SPTLC3: variants seen among roughly 807,000 people sequenced by gnomAD.
The protein encoded by SPTLC3 is serine palmitoyltransferase 3.
SPTLC3 carries 36 observed loss-of-function variants against 59.3 expected under a neutral mutation model. The ratio of observed to expected loss-of-function variants is 0.61; its 90% CI spans 0.47 to 0.80. SPTLC3 has a LOEUF of 0.80. Ranked by LOEUF, SPTLC3 falls within the 30% of genes least tolerant of loss-of-function variation. The pLI is 0.00. For synonymous variants in SPTLC3, 257 were observed against 240.8 expected (o/e 1.07, Z -0.62); for missense variants, 625 against 685.1 (o/e 0.91, Z 0.98).
chr20:13,147,990 A>C (rs2038554780), intron 9 of SPTLC3, among the ~76,000 whole-genome samples: 2 of 152,206 alleles, frequency 1.3e-5, no homozygotes, highest in Non-Finnish European at 1.5e-5. Context: ...CAAACTCGTC[A>C]ACCCCATCTC....
At chr20:13,151,495 G>C (rs768513815) in intron 9 of SPTLC3, among the ~76,000 whole-genome samples, 2 of 152,208 alleles carry the variant, frequency 1.3e-5, no homozygotes, top group African/African-American at 2.4e-5. Flanking sequence ...CAACCTGCCT[G>C]CTGGGAGCTG....
At chr20:13,040,270 T>C (rs999206051) in intron 1 of SPTLC3, among the ~76,000 whole-genome samples, 1 of 152,214 alleles carries the variant, frequency 6.6e-6, no homozygotes, top group African/African-American at 2.4e-5. Context: ...TGTCTATATA[T>C]GTAAGTTCAA....
At chr20:13,093,675 G>T (rs560006005) in intron 6 of SPTLC3, 98 bp downstream of exon 6, 1 of 1,058,760 alleles carries the variant, frequency 9.4e-7, no homozygotes. Flanking sequence ...AGGTGACAAC[G>T]TAGCCTCATG....
At chr20:13,015,139 G>A (rs770078381) in intron 1 of SPTLC3, among the ~76,000 whole-genome samples, 6 of 152,130 alleles carry the variant, frequency 3.9e-5, no homozygotes, top group Non-Finnish European at 8.8e-5. Flanking sequence ...CATCATACAA[G>A]ACAGGATTAT....
At chr20:13,054,518 G>C (rs1987637795) in intron 2 of SPTLC3, among the ~76,000 whole-genome samples, 1 of 152,198 alleles carries the variant, frequency 6.6e-6, no homozygotes, top group Admixed American at 6.5e-5. Flanking sequence ...GGTGACAAGA[G>C]AAAAGGCCAG....
At chr20:13,049,517 C>G (rs1018536066) in intron 2 of SPTLC3, 7 of 169,756 alleles carry the variant, frequency 4.1e-5, no homozygotes, top group Middle Eastern at 2.6e-3. Context: ...TATTTATGCT[C>G]TATCCTGAAA....
intron 1 of SPTLC3, among the ~76,000 whole-genome samples, chr20:13,011,487 C>T (rs1320935546): frequency 1.3e-5 from 2 of 152,190 alleles, no homozygotes; most frequent in African/African-American, 4.8e-5. Context: ...CTCTTTTATA[C>T]ATTAGGGGAC....
intron 4 of SPTLC3, among the ~76,000 whole-genome samples, chr20:13,087,818 C>T (rs1989053360): frequency 6.6e-6 from 1 of 152,154 alleles, no homozygotes; most frequent in African/African-American, 2.4e-5. Flanking sequence ...TTAATAAGTG[C>T]TATAATCATC....
At chr20:13,022,766 C>A (rs1432362421) in intron 1 of SPTLC3, among the ~76,000 whole-genome samples, 1 of 152,206 alleles carries the variant, frequency 6.6e-6, no homozygotes, top group African/African-American at 2.4e-5. Flanking sequence ...CCACCCTCCC[C>A]TCCCCTCTGC....
chr20:13,151,239 T>C (rs1321041008), intron 9 of SPTLC3, among the ~76,000 whole-genome samples: 1 of 152,238 alleles, frequency 6.6e-6, no homozygotes, highest in Non-Finnish European at 1.5e-5. Flanking sequence ...TAAAGTTTAC[T>C]ACCATCCTCT....
intron 2 of SPTLC3, chr20:13,050,700 A>T (rs1182751117): frequency 6.6e-6 from 1 of 152,210 alleles, no homozygotes; most frequent in African/African-American, 2.4e-5. Flanking sequence ...TACAAAGGAA[A>T]AATCTATCAG....
chr20:13,132,317 C>T (rs905098291), intron 9 of SPTLC3, among the ~76,000 whole-genome samples: 3 of 151,502 alleles, frequency 2.0e-5, no homozygotes, highest in African/African-American at 4.9e-5. Context: ...GCTGGGACTA[C>T]AGGAACCCAC....
At position 13,112,940 on chromosome 20, in the gene SPTLC3, C is replaced by T. The variant is rs369360267; in HGVS notation, c.932+2723C>T. On this transcript the variant is annotated intron_variant, in intron 7 of 11. Transcript: ENST00000399002. ...GCTCATGCCTGTAATCCTATCACTT[C>T]GGGAGACCAAGGCAGGTGGATTACT... Among the ~76,000 whole-genome samples the T allele has an allele frequency of 1.7e-4, 26 of 152,210 alleles. No homozygotes were observed. In the East Asian group the frequency reaches 4.8e-3, roughly 28 times the overall value.
chr20:13,041,874 T>G (rs1226790341), intron 1 of SPTLC3, among the ~76,000 whole-genome samples: 4 of 152,138 alleles, frequency 2.6e-5, no homozygotes, highest in African/African-American at 9.7e-5. Flanking sequence ...CTTCAGCATG[T>G]CATTGAAGTG....
intron 1 of SPTLC3, among the ~76,000 whole-genome samples, chr20:13,031,345 A>G (rs1163559636): frequency 1.3e-5 from 2 of 152,194 alleles, no homozygotes; most frequent in Non-Finnish European, 2.9e-5. Flanking sequence ...CTAACGACAT[A>G]TGGCTAGCAA....
At chr20:13,109,692 C>T (rs1408312412) in intron 6 of SPTLC3, among the ~76,000 whole-genome samples, 1 of 152,172 alleles carries the variant, frequency 6.6e-6, no homozygotes, top group East Asian at 1.9e-4. Context: ...AAGTGAGATC[C>T]GTGCAAACTC....
intron 9 of SPTLC3, among the ~76,000 whole-genome samples, chr20:13,131,574 C>T (rs2038120938): frequency 6.6e-6 from 1 of 152,156 alleles, no homozygotes; most frequent in Admixed American, 6.5e-5. Context: ...GGAGTTCTCC[C>T]TTTTTCCCCA....
intron 7 of SPTLC3, among the ~76,000 whole-genome samples, chr20:13,117,184 C>T (rs989337091): frequency 2.6e-5 from 4 of 152,176 alleles, no homozygotes; most frequent in Non-Finnish European, 5.9e-5. Flanking sequence ...ATCTAGAATC[C>T]AGAATGGTCA....
At chr20:13,013,983 T>A (rs1195412210) in intron 1 of SPTLC3, among the ~76,000 whole-genome samples, 1 of 152,170 alleles carries the variant, frequency 6.6e-6, no homozygotes, top group Non-Finnish European at 1.5e-5. Flanking sequence ...GCACCTTGTG[T>A]CTACTTCACC....
Sources: gnomAD v4.1 joint callset for allele counts (sites outside exome capture counted in the v4.1 genomes callset) on GRCh38, gnomAD v4.1.1 for gene constraint, MANE v1.5 for transcripts, NCBI Gene and HGNC (gene_info 2026-07-23, HGNC 2026-07-21) for gene names.